The following ANKS1A variants were observed in gnomAD, a reference collection of about 807,000 sequenced individuals.
ANKS1A encodes ankyrin repeat and SAM domain-containing protein 1A.
ANKS1A carries 55 observed loss-of-function variants against 120.3 expected under a neutral mutation model. That is an observed-to-expected ratio of 0.46 (90% CI 0.37 to 0.57). The LOEUF (loss-of-function observed/expected upper bound fraction) is 0.57. Ranked by LOEUF, ANKS1A falls within the 20% of genes least tolerant of loss-of-function variation. The pLI is 0.00. For missense variants in ANKS1A, 1,123 were observed against 1,480.3 expected (o/e 0.76, Z 3.96); for synonymous variants, 590 against 604.7 (o/e 0.98, Z 0.36).
rs779136623 is a variant in ANKS1A, at chr6:34,981,772, C to T, written c.518C>T (p.Thr173Met). ...EVVKVLLEELTDPTMRNNKFE... is the reference protein window; with the variant it reads ...EVVKVLLEELMDPTMRNNKFE... ...GTGAAGGTGCTCTTAGAGGAGCTGA[C>T]GGACCCCACCATGCGCAACAACAAA... The change falls in exon 4 of 24, where the codon ACG (threonine) becomes ATG (methionine). Residue 173 changes from threonine (T) to methionine (M), a missense_variant. Transcript: ENST00000360359. 5 of 1,614,134 alleles carry T rather than the reference C, an allele frequency of 3.1e-6. No homozygotes were observed. The highest frequency in any genetic ancestry group is 3.4e-6 in the Non-Finnish European group (4 of 1,180,018).
intron 9 of ANKS1A, among the ~76,000 whole-genome samples, chr6:34,991,539 T>C (rs1409721592): frequency 1.2e-4 from 10 of 85,080 alleles, no homozygotes; most frequent in South Asian, 7.1e-4. Flanking sequence ...AAAAAAAATA[T>C]ATACACACAC....
At chr6:35,002,312 A>G (rs1432494157) in intron 10 of ANKS1A, among the ~76,000 whole-genome samples, 1 of 152,074 alleles carries the variant, frequency 6.6e-6, no homozygotes, top group Admixed American at 6.5e-5. Context: ...AACCCCTGCA[A>G]AGTGACTCTG....
chr6:35,047,285 G>C (rs1238401927), intron 11 of ANKS1A, among the ~76,000 whole-genome samples: 1 of 152,204 alleles, frequency 6.6e-6, no homozygotes, highest in Non-Finnish European at 1.5e-5. Context: ...TTCCCCTGTA[G>C]AATCTGAGGA....
At chr6:34,896,454 TACA>T (rs1581659151) in intron 1 of ANKS1A, among the ~76,000 whole-genome samples, 1 of 152,112 alleles carries the variant, frequency 6.6e-6, no homozygotes, top group East Asian at 1.9e-4. Context: ...TTGCTGTACT[TACA>T]TTTTTGCTTT....
At position 35,089,554 on chromosome 6, in the gene ANKS1A, G is replaced by A. The variant is rs3822921; in HGVS notation, c.*945G>A. 0.11 allele frequency: 109,727 copies of A among 986,490 alleles called. 6,493 individuals carry two copies. The highest frequency in any genetic ancestry group is 0.12 in the Non-Finnish European group (100,603 of 830,464). The allele number at this position is 986,490 out of a possible 1,614,324, so 61.1% of individuals were successfully genotyped here. On this transcript the variant is annotated 3_prime_UTR_variant, in exon 24 of 24. Coordinates refer to ENST00000360359, the MANE Select transcript of ANKS1A (RefSeq NM_015245.3). Reference sequence around the variant, plus strand: ...TGTCTAATCAGCCTGTGTGATTGGGGCTCATTTTGATTCTCTGAATTATCG... The same window carrying A: ...TGTCTAATCAGCCTGTGTGATTGGGACTCATTTTGATTCTCTGAATTATCG...
intron 11 of ANKS1A, among the ~76,000 whole-genome samples, chr6:35,041,634 G>A (rs12206298): frequency 0.18 from 27,603 of 152,078 alleles, 2,687 homozygotes; most frequent in Non-Finnish European, 0.22. Context: ...TAATCCCATG[G>A]GGTTGTACAC....
At position 35,081,256 on chromosome 6, in the gene ANKS1A, AGTTGGG is replaced by A. The variant is rs879477834; in HGVS notation, c.2709+99_2709+104del. On this transcript the variant is annotated intron_variant, in intron 17 of 23. Transcript: ENST00000360359. ...CACCTGCTGCCCCATACTTGAGCACAGTTGGGCTGGCACCAGAGTCAGGAGGCACTA... is the reference window on the plus strand; with the variant it reads ...CACCTGCTGCCCCATACTTGAGCACACTGGCACCAGAGTCAGGAGGCACTA... The A allele has an allele frequency of 1.2e-3, 1,688 of 1,418,156 alleles. 2 individuals carry two copies. The highest frequency in any genetic ancestry group is 1.4e-3 in the Non-Finnish European group (1,544 of 1,076,052). 87.8% of individuals were successfully genotyped at this position (1,418,156 alleles called of 1,614,324 possible). A position where few individuals can be genotyped will look rare whatever the true frequency, so the allele number is the denominator to read the frequency against.
chr6:34,933,102 C>G (rs1769071206), intron 1 of ANKS1A, among the ~76,000 whole-genome samples: 1 of 152,140 alleles, frequency 6.6e-6, no homozygotes, highest in African/African-American at 2.4e-5. Flanking sequence ...GCTTATTAGC[C>G]ATTTGTGTAT....
At chr6:35,063,826 G>A (rs1366287445) in intron 13 of ANKS1A, among the ~76,000 whole-genome samples, 5 of 152,220 alleles carry the variant, frequency 3.3e-5, no homozygotes, top group East Asian at 1.9e-4. Flanking sequence ...CAAGTGCAGC[G>A]GAGGCTGGCA....
Position 35,085,648 on chromosome 6 carries a change from G to A in ANKS1A, c.3133-118G>A. 1 of 1,004,080 alleles carries A rather than the reference G, an allele frequency of 1.0e-6. No individual in the cohort carries two copies. Among genetic ancestry groups the A allele is most frequent in the East Asian group, 2.8e-5 (1 of 36,196 alleles). 62.2% of individuals were successfully genotyped at this position (1,004,080 alleles called of 1,614,324 possible). On this transcript the variant is annotated intron_variant, in intron 21 of 23. Transcript: ENST00000360359. The surrounding 1 kb of genome is among the most constrained non-coding windows in gnomAD (Gnocchi z 4.7). ...GGGAAAGGAGGGAAGAGTGGAAGGA[G>A]GTAGGAGCGCTCCCGGGTAGACTTA...
At chr6:35,015,542 G>C (rs1773954662) in intron 10 of ANKS1A, among the ~76,000 whole-genome samples, 1 of 152,050 alleles carries the variant, frequency 6.6e-6, no homozygotes, top group Admixed American at 6.6e-5. Flanking sequence ...TGCCAAAGTT[G>C]GTGCTTCTGT....
intron 11 of ANKS1A, among the ~76,000 whole-genome samples, chr6:35,031,997 C>T (rs1197551850): frequency 1.3e-5 from 2 of 152,166 alleles, no homozygotes; most frequent in Admixed American, 1.3e-4. Context: ...GTCACTCATT[C>T]ACCACACTGA....
At chr6:35,025,157 A>T (rs977484957) in intron 11 of ANKS1A, among the ~76,000 whole-genome samples, 2 of 152,056 alleles carry the variant, frequency 1.3e-5, no homozygotes, top group African/African-American at 2.4e-5. Flanking sequence ...TCATATTTTT[A>T]AAATAATCTC....
At chr6:35,006,343 T>C (rs1350793114) in intron 10 of ANKS1A, among the ~76,000 whole-genome samples, 1 of 151,918 alleles carries the variant, frequency 6.6e-6, no homozygotes, top group South Asian at 2.1e-4. Flanking sequence ...TTCTTAATTG[T>C]ACATTTTAAA....
intron 1 of ANKS1A, among the ~76,000 whole-genome samples, chr6:34,911,339 G>A (rs534788775): frequency 6.6e-6 from 1 of 152,258 alleles, no homozygotes; most frequent in Admixed American, 6.5e-5. Flanking sequence ...GGTACTTTTT[G>A]TGAAATGGAA....
downstream of ANKS1A, among the ~76,000 whole-genome samples, chr6:35,093,086 C>T (rs1426212511): frequency 5.9e-5 from 9 of 152,188 alleles, no homozygotes. Context: ...GCTCACACTG[C>T]ACCCACTGTC....
At chr6:35,016,905 C>A (rs976485414) in intron 10 of ANKS1A, among the ~76,000 whole-genome samples, 2 of 147,792 alleles carry the variant, frequency 1.4e-5, no homozygotes, top group African/African-American at 5.0e-5. Context: ...TTAAGGAATT[C>A]CAGAAGTTGC....
At chr6:35,041,631 A>G (rs935910982) in intron 11 of ANKS1A, among the ~76,000 whole-genome samples, 3 of 152,084 alleles carry the variant, frequency 2.0e-5, no homozygotes, top group Non-Finnish European at 4.4e-5. Flanking sequence ...TAGTAATCCC[A>G]TGGGGTTGTA....
chr6:35,094,002 A>G (rs1458487782), downstream of ANKS1A, among the ~76,000 whole-genome samples: 2 of 152,226 alleles, frequency 1.3e-5, no homozygotes, highest in Non-Finnish European at 2.9e-5. Flanking sequence ...AGTGGAAACT[A>G]CAGGGGCAGC....
Sources: gnomAD v4.1 joint callset for allele counts (sites outside exome capture counted in the v4.1 genomes callset) on GRCh38, gnomAD v4.1.1 for gene constraint, Gnocchi (gnomAD v3.1) non-coding constraint, MANE v1.5 for transcripts, NCBI Gene and HGNC (gene_info 2026-07-23, HGNC 2026-07-21) for gene names.